Variants in WDR45B observed in about 807,000 individuals in gnomAD.
The protein encoded by WDR45B is WD repeat domain 45B.
In WDR45B, 20 loss-of-function variants were observed where a neutral mutation model predicts 44.6. The observed-to-expected ratio is 0.45, with a 90% CI of 0.32 to 0.65. WDR45B has a LOEUF of 0.65. Ranked by LOEUF, WDR45B falls within the 30% of genes least tolerant of loss-of-function variation. The pLI is 0.05. For missense variants in WDR45B, 323 were observed against 430.2 expected (o/e 0.75, Z 2.20); for synonymous variants, 169 against 164.9 (o/e 1.02, Z -0.19).
In WDR45B at chr17:82,648,215, G is replaced by A; in HGVS notation, c.67+59C>T. On this transcript the variant is annotated intron_variant, in intron 1 of 9. Transcript: ENST00000392325. The stretch of plus-strand genomic sequence containing the variant: ...GCGCCCAGGAGAGGCCTGAGAGCCG[G>A]GGACCCCGGGCTGCGGGAAGGCCCG... 9 of 1,559,400 alleles carry A rather than the reference G, an allele frequency of 5.8e-6. 1 individual carries two copies. In the South Asian group the frequency reaches 8.2e-5, roughly 14 times the overall value.
At chr17:82,626,244 T>C (rs542689379) in intron 4 of WDR45B, among the ~76,000 whole-genome samples, 1 of 150,366 alleles carries the variant, frequency 6.7e-6, no homozygotes, top group Non-Finnish European at 1.5e-5. Context: ...CACACAAAAA[T>C]GCAGGAAAGT....
intron 2 of WDR45B, among the ~76,000 whole-genome samples, chr17:82,638,037 G>A (rs1035682534): frequency 4.7e-5 from 7 of 149,770 alleles, no homozygotes; most frequent in African/African-American, 1.5e-4. Flanking sequence ...ACAAAAAAAC[G>A]TAGCCAGGTG....
chr17:82,638,773 C>A (rs1350365290), intron 2 of WDR45B, among the ~76,000 whole-genome samples: 1 of 152,024 alleles, frequency 6.6e-6, no homozygotes, highest in Non-Finnish European at 1.5e-5. Context: ...TGCATCATTT[C>A]TATAAAACAA....
intron 1 of WDR45B, among the ~76,000 whole-genome samples, chr17:82,646,500 AAAAAAAAAAAAAC>A (rs2045978278): frequency 6.8e-6 from 1 of 146,740 alleles, no homozygotes; most frequent in Admixed American, 6.9e-5. Flanking sequence ...AAAAAAAAAA[AAAAAAAAAAAAAC>A]CCAAAACAAA....
In WDR45B at chr17:82,617,293, T is replaced by C; in HGVS notation, c.806+3A>G. ...TTTCCCCAGCAGGCATCCTAACACC[T>C]ACCTGGACTGTTTATTCCTTTTTGG... On this transcript the variant is annotated splice_donor_region_variant and intron_variant, in intron 8 of 9. Transcript: ENST00000392325. 2 of 1,612,544 alleles carry C rather than the reference T, an allele frequency of 1.2e-6. No individual in the cohort carries two copies. The highest frequency in any genetic ancestry group is 1.7e-6 in the Non-Finnish European group (2 of 1,179,868).
At position 82,615,812 on chromosome 17, in the gene WDR45B, T is replaced by TG; in HGVS notation, c.*106dup. The TG allele has an allele frequency of 1.0e-6, 1 of 1,002,304 alleles. No homozygotes were observed. Among genetic ancestry groups the TG allele is most frequent in the Non-Finnish European group, 1.6e-6 (1 of 631,978 alleles). The allele number at this position is 1,002,304 out of a possible 1,614,324, so 62.1% of individuals were successfully genotyped here. A position where few individuals can be genotyped will look rare whatever the true frequency, so the allele number is the denominator to read the frequency against. Reference sequence around the variant, plus strand: ...CGTATGGCTTCGAGACCAAGGTCCCTGGGCAGCCCCTCCAGCCCGTGGCCC... The same window carrying TG: ...CGTATGGCTTCGAGACCAAGGTCCCTGGGGCAGCCCCTCCAGCCCGTGGCCC... On this transcript the variant is annotated 3_prime_UTR_variant, in exon 10 of 10. Transcript: ENST00000392325.
Position 82,616,663 on chromosome 17 carries a change from G to T in WDR45B, c.807-18C>A, listed in dbSNP as rs138581743. ...AGGCCAAACTGTGAAGACAAGAAAA[G>T]AAAGGGTGGTTCAAAGTTTACAGGA... On this transcript the variant is annotated intron_variant, in intron 8 of 9. Transcript: ENST00000392325. 4.3e-4 allele frequency: 691 copies of T among 1,614,078 alleles called. 6 individuals are homozygous for T. In the East Asian group the frequency reaches 0.015, roughly 34 times the overall value.
chr17:82,644,886 C>T (rs546672367), intron 1 of WDR45B, among the ~76,000 whole-genome samples: 2 of 152,322 alleles, frequency 1.3e-5, no homozygotes, highest in East Asian at 1.9e-4. Flanking sequence ...TGAGGCCGGA[C>T]GCAGCAGCTC....
At chr17:82,647,332 G>A (rs1214214771) in intron 1 of WDR45B, among the ~76,000 whole-genome samples, 2 of 152,236 alleles carry the variant, frequency 1.3e-5, no homozygotes, top group Non-Finnish European at 1.5e-5. Flanking sequence ...AAGCCTCGCA[G>A]AAGCCTGTCT....
At chr17:82,648,169 G>A in intron 1 of WDR45B, 105 bp downstream of exon 1, 1 of 1,334,310 alleles carries the variant, frequency 7.5e-7, no homozygotes, top group Non-Finnish European at 1.0e-6. Context: ...GGTCCCGGGT[G>A]GAAGGCCTGG....
chr17:82,647,329 G>C (rs935615582), intron 1 of WDR45B, among the ~76,000 whole-genome samples: 14 of 152,228 alleles, frequency 9.2e-5, no homozygotes, highest in Non-Finnish European at 1.9e-4. Context: ...GTAAAGCCTC[G>C]CAGAAGCCTG....
intron 5 of WDR45B, among the ~76,000 whole-genome samples, chr17:82,622,855 A>G (rs1355307290): frequency 6.6e-6 from 1 of 152,180 alleles, no homozygotes; most frequent in African/African-American, 2.4e-5. Context: ...AAGAGAACAA[A>G]AAGTCCAGAA....
intron 8 of WDR45B, 80 bp from the exon 9 acceptor site, chr17:82,616,725 G>T: frequency 6.4e-7 from 1 of 1,560,478 alleles, no homozygotes; most frequent in Non-Finnish European, 8.8e-7. Flanking sequence ...ATACGCTGCT[G>T]AAAATACGAA....
chr17:82,621,876 G>A (rs914574215), intron 5 of WDR45B, 77 bp from the exon 6 acceptor site: 2 of 1,498,086 alleles, frequency 1.3e-6, no homozygotes, highest in Non-Finnish European at 1.8e-6. Flanking sequence ...TGCCCCCAAA[G>A]TTCTCCGAAA....
chr17:82,643,731 C>T (rs1405071804), intron 2 of WDR45B, among the ~76,000 whole-genome samples: 1 of 152,136 alleles, frequency 6.6e-6, no homozygotes, highest in Admixed American at 6.6e-5. Context: ...CTAGAGAAAT[C>T]AGGCCAGTGA....
chr17:82,646,536 A>C (rs1368303955), intron 1 of WDR45B, among the ~76,000 whole-genome samples: 1 of 151,576 alleles, frequency 6.6e-6, no homozygotes, highest in Non-Finnish European at 1.5e-5. Context: ...AACAGCTAGA[A>C]ACAAAAATAA....
intron 2 of WDR45B, among the ~76,000 whole-genome samples, chr17:82,633,307 G>T (rs552289426): frequency 6.6e-6 from 1 of 152,078 alleles, no homozygotes; most frequent in African/African-American, 2.4e-5. Flanking sequence ...GATACAGTGC[G>T]TAATATCCAG....
Sources: gnomAD v4.1 joint callset for allele counts (sites outside exome capture counted in the v4.1 genomes callset) on GRCh38, gnomAD v4.1.1 for gene constraint, MANE v1.5 for transcripts, NCBI Gene and HGNC (gene_info 2026-07-23, HGNC 2026-07-21) for gene names.